MCCC1: variants seen among roughly 807,000 people sequenced by gnomAD.
MCCC1 encodes the protein methylcrotonyl-CoA carboxylase subunit 1.
Under a neutral mutation model 83.8 loss-of-function variants are expected in MCCC1, and 64 were observed. The ratio of observed to expected loss-of-function variants is 0.76; its 90% CI spans 0.62 to 0.94. MCCC1 has a LOEUF of 0.94. MCCC1 is among the 40% of genes least tolerant of loss of function. The pLI is 0.00. For synonymous variants in MCCC1, 322 were observed against 315.4 expected (o/e 1.02, Z -0.22); for missense variants, 807 against 904.7 (o/e 0.89, Z 1.39).
At position 183,034,883 on chromosome 3, in the gene MCCC1, T is replaced by G. The variant is rs567544321; in HGVS notation, c.1595-806A>C. 3.3e-5 allele frequency among the ~76,000 whole-genome samples: 5 copies of G among 152,176 alleles called. No homozygotes were observed. The East Asian group carries it at 9.7e-4, about 29-fold the overall frequency. ...ACCTCCACCTCCTGGGTTCAAGTGA[T>G]TCTCCTGCCTCAGCCTCCAGAGTAG... is the stretch of plus-strand genomic sequence containing the variant. On this transcript the variant is annotated intron_variant, in intron 13 of 18. Transcript: ENST00000265594.
intron 9 of MCCC1, among the ~76,000 whole-genome samples, chr3:183,051,060 G>A (rs1236821404): frequency 6.6e-6 from 1 of 152,168 alleles, no homozygotes; most frequent in African/African-American, 2.4e-5. Context: ...AACCTCTTTT[G>A]TTGCTGACAG....
At chr3:183,097,232 G>A (rs1718805304) in intron 1 of MCCC1, among the ~76,000 whole-genome samples, 2 of 151,838 alleles carry the variant, frequency 1.3e-5, no homozygotes, top group African/African-American at 2.4e-5. Context: ...GGGCGACAGA[G>A]CGAGACTCCG....
At chr3:183,075,743 A>G (rs1717024160) in intron 4 of MCCC1, among the ~76,000 whole-genome samples, 1 of 151,890 alleles carries the variant, frequency 6.6e-6, no homozygotes, top group Admixed American at 6.6e-5. Flanking sequence ...GGGTTTCACC[A>G]TGTTAGCCAG....
intron 9 of MCCC1, 73 bp downstream of exon 9, chr3:183,052,086 T>C: frequency 7.2e-7 from 1 of 1,398,236 alleles, no homozygotes; most frequent in Non-Finnish European, 1.0e-6. Context: ...TTAAAAGTTG[T>C]GTTTCTCTTG....
In MCCC1 at chr3:183,113,317, G is replaced by A. The variant is rs114697975; in HGVS notation, c.-102+2157C>T. Among the ~76,000 whole-genome samples, 1,019 of 147,822 alleles carry A rather than the reference G, an allele frequency of 6.9e-3. 10 individuals are homozygous for A. The highest frequency in any genetic ancestry group is 0.024 in the African/African-American group (956 of 40,270). ...AAGTAGAACAGCAAACTATCGCAAG[G>A]ACAGAAAACCAAACACCGCTGTTCT... On this transcript the variant is annotated intron_variant, in intron 1 of 17. Coordinates refer to the MCCC1 transcript ENST00000492597.
At chr3:183,052,949 TA>T (rs71185625) in intron 8 of MCCC1, among the ~76,000 whole-genome samples, 135,344 of 151,310 alleles carry the variant, frequency 0.89, 60,888 homozygotes, top group East Asian at 1. Context: ...CCCTTTTACT[TA>T]AAAAAAAAAG....
chr3:183,025,642 C>T, intron 15 of MCCC1, 113 bp downstream of exon 15: 1 of 967,454 alleles, frequency 1.0e-6, no homozygotes, highest in Non-Finnish European at 1.7e-6. Flanking sequence ...ATTCTCTTAA[C>T]TACAGTCATA....
At chr3:183,080,006 A>T (rs1577342034) in intron 4 of MCCC1, among the ~76,000 whole-genome samples, 1 of 152,214 alleles carries the variant, frequency 6.6e-6, no homozygotes, top group Admixed American at 6.5e-5. Flanking sequence ...CCTAGACTGT[A>T]CACAGCAGTC....
At chr3:183,027,024 G>A (rs551653986) in intron 14 of MCCC1, among the ~76,000 whole-genome samples, 4 of 152,254 alleles carry the variant, frequency 2.6e-5, no homozygotes, top group African/African-American at 9.6e-5. Flanking sequence ...AACAGCATGT[G>A]CTCACTTCGT....
chr3:183,083,297 T>C (rs1339274488), intron 4 of MCCC1, among the ~76,000 whole-genome samples: 1 of 152,190 alleles, frequency 6.6e-6, no homozygotes, highest in African/African-American at 2.4e-5. Flanking sequence ...ACTTTGTAAA[T>C]TATAACCCAC....
rs199906255 is a variant in MCCC1 at position 183,051,588 on chromosome 3, G to A, written c.955+571C>T. Among the ~76,000 whole-genome samples, 3 of 152,122 alleles carry A rather than the reference G, an allele frequency of 2.0e-5. No individual in the cohort carries two copies. In the East Asian group the frequency reaches 5.8e-4, roughly 29 times the overall value. The stretch of plus-strand genomic sequence containing the variant: ...AACTATTCTATACCATAGTACAATG[G>A]TGGATACATATCATTATACATTTGT... On this transcript the variant is annotated intron_variant, in intron 9 of 18. Transcript: ENST00000265594.
At chr3:183,057,279 G>C in intron 8 of MCCC1, 32 bp downstream of exon 8, 1 of 1,473,700 alleles carries the variant, frequency 6.8e-7, no homozygotes, top group Non-Finnish European at 9.4e-7. Flanking sequence ...ACATTACGGA[G>C]AAGCTTACAA....
chr3:183,113,746 A>C (rs973160489), intron 1 of MCCC1, among the ~76,000 whole-genome samples: 11 of 152,208 alleles, frequency 7.2e-5, no homozygotes, highest in Admixed American at 6.5e-4. Context: ...CCTTTATAAT[A>C]AACTGGTAAA....
chr3:183,015,345 G>T lies in MCCC1; in HGVS notation c.*93C>A. On this transcript the variant is annotated 3_prime_UTR_variant, in exon 19 of 19. Transcript: ENST00000265594. ...AAGCATACAATCATTTAGTAAAACT[G>T]CTCTTTATGAGACCCCCAGAAAAGC... 1.5e-6 allele frequency: 2 copies of T among 1,349,836 alleles called. No homozygotes were observed. Among genetic ancestry groups the T allele is most frequent in the Non-Finnish European group, 2.1e-6 (2 of 941,384 alleles). The allele number at this position is 1,349,836 out of a possible 1,614,324, so 83.6% of individuals were successfully genotyped here. A position where few individuals can be genotyped will look rare whatever the true frequency, so the allele number is the denominator to read the frequency against.
At chr3:183,051,619 C>T (rs1238443169) in intron 9 of MCCC1, among the ~76,000 whole-genome samples, 1 of 152,118 alleles carries the variant, frequency 6.6e-6, no homozygotes, top group Non-Finnish European at 1.5e-5. Flanking sequence ...TTTGTCAAAA[C>T]TCACAGAATG....
Position 183,017,336 on chromosome 3 carries a change from AC to A in MCCC1, c.1978del (p.Val660CysfsTer9). On this transcript the variant is annotated frameshift_variant and splice_region_variant, in exon 18 of 19. Transcript: ENST00000265594. LOFTEE classifies it high-confidence loss of function. ...LAPMTGTIEKVFVKAGDKVKA... is the reference protein window; with the variant it reads ...LAPMTGTIEKXFVKAGDKVKA... Reference sequence around the variant, plus strand: ...CACTTTGTCTCCAGCTTTGACAAACACCTTGAGATTCAGTGTGACAGGTTAA... The same window carrying A: ...CACTTTGTCTCCAGCTTTGACAAACACTTGAGATTCAGTGTGACAGGTTAA... The A allele has an allele frequency of 6.2e-7, 1 of 1,613,740 alleles. No individual in the cohort carries two copies. The highest frequency in any genetic ancestry group is 8.5e-7 in the Non-Finnish European group (1 of 1,179,964).
At chr3:183,063,456 C>CA (rs1227896703) in intron 7 of MCCC1, among the ~76,000 whole-genome samples, 1 of 152,130 alleles carries the variant, frequency 6.6e-6, no homozygotes, top group Non-Finnish European at 1.5e-5. Context: ...TGACTCTTCT[C>CA]AGTTATCAGC....
intron 8 of MCCC1, among the ~76,000 whole-genome samples, chr3:183,056,220 T>C (rs1275031092): frequency 6.6e-6 from 1 of 152,146 alleles, no homozygotes; most frequent in Non-Finnish European, 1.5e-5. Flanking sequence ...TAATATATAA[T>C]GTTATAATAT....
intron 14 of MCCC1, among the ~76,000 whole-genome samples, chr3:183,026,135 T>C (rs1040165138): frequency 1.3e-5 from 2 of 152,160 alleles, no homozygotes; most frequent in Non-Finnish European, 2.9e-5. Context: ...CTTAACCTCC[T>C]GGGGTCAGGT....
Sources: allele counts gnomAD v4.1 joint callset (sites outside exome capture counted in the v4.1 genomes callset), GRCh38; gene constraint gnomAD v4.1.1; transcripts MANE v1.5; gene names NCBI Gene and HGNC (gene_info 2026-07-23, HGNC 2026-07-21).